ELOVL5: variants seen among roughly 807,000 people sequenced by gnomAD.
The protein encoded by ELOVL5 is very long chain fatty acid elongase 5.
In ELOVL5, 8 loss-of-function variants were observed where a neutral mutation model predicts 38.6. That is an observed-to-expected ratio of 0.21 (90% CI 0.12 to 0.37). The LOEUF is 0.37. Among genes scored for constraint, ELOVL5 ranks in the 10% least tolerant of loss-of-function variants. The pLI is 1.00. For synonymous variants in ELOVL5, 127 were observed against 133.7 expected, an observed-to-expected ratio of 0.95 and a Z score of 0.34; for missense variants, 280 against 367.8, an observed-to-expected ratio of 0.76 and a Z score of 1.95.
intron 1 of ELOVL5, among the ~76,000 whole-genome samples, chr6:53,300,106 C>T (rs1767187848): frequency 6.6e-6 from 1 of 152,088 alleles, no homozygotes; most frequent in South Asian, 2.1e-4. Flanking sequence ...TGATTTTGGG[C>T]TGGACTCTGG....
chr6:53,271,508 C>T (rs898430372), intron 6 of ELOVL5, among the ~76,000 whole-genome samples: 2 of 152,008 alleles, frequency 1.3e-5, no homozygotes, highest in African/African-American at 4.8e-5. Context: ...CGAGATCGCG[C>T]CACTGCACTC....
At chr6:53,323,864 G>A (rs938904699) in intron 1 of ELOVL5, among the ~76,000 whole-genome samples, 2 of 152,074 alleles carry the variant, frequency 1.3e-5, no homozygotes, top group African/African-American at 4.8e-5. Flanking sequence ...ATGGGCCACC[G>A]CACCCGGCCC....
chr6:53,305,159 C>T (rs183794109), intron 1 of ELOVL5, among the ~76,000 whole-genome samples: 44,752 of 140,714 alleles, frequency 0.32, 7,549 homozygotes, highest in African/African-American at 0.45. Context: ...GGGGGCTGAC[C>T]CCCCCACCTC....
chr6:53,336,379 G>T (rs1769068615), intron 1 of ELOVL5, among the ~76,000 whole-genome samples: 1 of 152,202 alleles, frequency 6.6e-6, no homozygotes, highest in Admixed American at 6.5e-5. Context: ...AGAGGGCCAG[G>T]CCAGGCACAA....
At chr6:53,287,710 A>T (rs548392138) in intron 3 of ELOVL5, among the ~76,000 whole-genome samples, 1 of 152,350 alleles carries the variant, frequency 6.6e-6, no homozygotes, top group Admixed American at 6.5e-5. Context: ...GAAGAATGAA[A>T]GAGCCTGGTG....
chr6:53,311,207 C>T (rs142985498), intron 1 of ELOVL5, among the ~76,000 whole-genome samples: 7 of 152,292 alleles, frequency 4.6e-5, no homozygotes, highest in South Asian at 4.1e-4. Context: ...ACATAAACAG[C>T]GCTCCTGTGG....
chr6:53,320,330 C>T (rs957170129), intron 1 of ELOVL5, among the ~76,000 whole-genome samples: 1 of 151,542 alleles, frequency 6.6e-6, no homozygotes, highest in African/African-American at 2.4e-5. Context: ...CAAAACAACC[C>T]CACATTTCTT....
At chr6:53,329,451 G>A (rs1414874006) in intron 1 of ELOVL5, among the ~76,000 whole-genome samples, 6 of 152,122 alleles carry the variant, frequency 3.9e-5, no homozygotes, top group Admixed American at 3.9e-4. Context: ...GAGTTTCTCA[G>A]TAACATTTAA....
intron 2 of ELOVL5, among the ~76,000 whole-genome samples, chr6:53,293,596 G>A (rs1484069562): frequency 2.6e-5 from 4 of 152,156 alleles, no homozygotes; most frequent in Admixed American, 6.5e-5. Flanking sequence ...GGGATTACAG[G>A]AGTGAACCAC....
chr6:53,339,741 G>A (rs1214933496), intron 1 of ELOVL5, among the ~76,000 whole-genome samples: 1 of 152,172 alleles, frequency 6.6e-6, no homozygotes, highest in African/African-American at 2.4e-5. Context: ...TGATGCTGAT[G>A]ATAAAGAACT....
At chr6:53,295,612 GA>G in intron 2 of ELOVL5, 29 bp downstream of exon 2, 1 of 1,526,686 alleles carries the variant, frequency 6.6e-7, no homozygotes, top group Admixed American at 1.8e-5. Flanking sequence ...TGATGCTGCA[GA>G]AGGTAAGCAA....
At chr6:53,347,400 G>A (rs965204603) in intron 1 of ELOVL5, among the ~76,000 whole-genome samples, 1 of 152,204 alleles carries the variant, frequency 6.6e-6, no homozygotes, top group Non-Finnish European at 1.5e-5. Context: ...ACAGATGGAA[G>A]GCTAAAATGT....
chr6:53,329,410 T>C (rs543991698), intron 1 of ELOVL5, among the ~76,000 whole-genome samples: 1 of 152,360 alleles, frequency 6.6e-6, no homozygotes, highest in South Asian at 2.1e-4. Flanking sequence ...TAAATACTAA[T>C]AGATATAATC....
chr6:53,291,793 G>A lies in ELOVL5; in HGVS notation c.229C>T (p.Leu77=). ...VYNLGLTLLS[L]YMFCELVTGV... is the part of the protein sequence containing the mutation. ...TGACTTACCTCACAGAACATATACAGAGACAGCAGTGTGAGTCCAAGGTTA... is the reference window on the plus strand; with the variant it reads ...TGACTTACCTCACAGAACATATACAAAGACAGCAGTGTGAGTCCAAGGTTA... The change falls in exon 3 of 8, where the codon CTG becomes TTG. Residue 77 remains leucine (L), a synonymous_variant. Coordinates refer to ENST00000304434, the MANE Select transcript of ELOVL5 (RefSeq NM_021814.5). 6.2e-7 allele frequency: 1 copy of A among 1,612,294 alleles called. No homozygotes were observed. Among genetic ancestry groups the A allele is most frequent in the South Asian group, 1.1e-5 (1 of 90,656 alleles).
chr6:53,281,560 G>C (rs891817588), intron 3 of ELOVL5, among the ~76,000 whole-genome samples: 2 of 152,144 alleles, frequency 1.3e-5, no homozygotes, highest in Non-Finnish European at 2.9e-5. Flanking sequence ...GAACATGGTA[G>C]GGATACTCTG....
At chr6:53,311,703 CATT>C (rs1368142628) in intron 1 of ELOVL5, among the ~76,000 whole-genome samples, 2 of 152,054 alleles carry the variant, frequency 1.3e-5, no homozygotes, top group African/African-American at 2.4e-5. Context: ...ATCTGGAAAA[CATT>C]ATGCAAAGTG....
In ELOVL5 at chr6:53,273,217, C is replaced by T; in HGVS notation, c.621+3G>A. 2 of 1,613,552 alleles carry T rather than the reference C, an allele frequency of 1.2e-6. No homozygotes were observed. The highest frequency in any genetic ancestry group is 1.7e-6 in the Non-Finnish European group (2 of 1,179,654). On this transcript the variant is annotated splice_donor_region_variant and intron_variant, in intron 6 of 7. Transcript: ENST00000304434. ...TCCTGGGGAAAGAGGCCAAGTCACT[C>T]ACCAGCTGCCCCTGAGTGATGTACT...
At chr6:53,281,535 T>C (rs926030703) in intron 3 of ELOVL5, among the ~76,000 whole-genome samples, 1 of 152,228 alleles carries the variant, frequency 6.6e-6, no homozygotes, top group African/African-American at 2.4e-5. Flanking sequence ...TCATCTGTTT[T>C]TGAATTCTTA....
intron 7 of ELOVL5, 106 bp from the exon 8 acceptor site, chr6:53,269,376 T>G: frequency 1.2e-6 from 1 of 831,922 alleles, no homozygotes; most frequent in African/African-American, 1.8e-5. Flanking sequence ...CAAGATCAAA[T>G]CTTATCAAGG....
Sources: gnomAD v4.1 joint callset for allele counts (sites outside exome capture counted in the v4.1 genomes callset) on GRCh38, gnomAD v4.1.1 for gene constraint, MANE v1.5 for transcripts, NCBI Gene and HGNC (gene_info 2026-07-23, HGNC 2026-07-21) for gene names.